The following ATP6V0A4 variants were observed in gnomAD, a reference collection of about 807,000 sequenced individuals.
The protein encoded by ATP6V0A4 is ATPase H+ transporting V0 subunit a4.
A neutral mutation model predicts 107.3 loss-of-function variants in ATP6V0A4; 86 were observed. The ratio of observed to expected loss-of-function variants is 0.80; its 90% CI spans 0.67 to 0.96. The LOEUF is 0.96. ATP6V0A4 is among the 40% of genes least tolerant of loss of function. ATP6V0A4 has a pLI of 0.00. For missense variants in ATP6V0A4, 908 were observed against 1,045.6 expected, an observed-to-expected ratio of 0.87 and a Z score of 1.81; for synonymous variants, 353 against 381.4, an observed-to-expected ratio of 0.93 and a Z score of 0.87.
chr7:138,749,409 C>T (rs1018688557), intron 11 of ATP6V0A4, 92 bp from the exon 12 acceptor site: 2 of 1,469,608 alleles, frequency 1.4e-6, no homozygotes, highest in African/African-American at 1.4e-5. Context: ...TCCTGCCGTC[C>T]CTCACTGAGC....
chr7:138,789,708 C>T (rs985002011), intron 1 of ATP6V0A4, among the ~76,000 whole-genome samples: 2 of 151,290 alleles, frequency 1.3e-5, no homozygotes, highest in East Asian at 2.0e-4. Context: ...CAGTGGCTCA[C>T]GCCTGTAATC....
intron 1 of ATP6V0A4, among the ~76,000 whole-genome samples, chr7:138,787,443 C>A (rs1216737757): frequency 2.6e-5 from 4 of 152,128 alleles, no homozygotes; most frequent in Admixed American, 2.0e-4. Context: ...GGACTCTTGA[C>A]TCAGGATTCT....
chr7:138,710,207 T>C (rs965869385), intron 20 of ATP6V0A4, among the ~76,000 whole-genome samples: 15 of 150,346 alleles, frequency 1.0e-4, no homozygotes, highest in Admixed American at 4.7e-4. Context: ...TTTTTTTTTT[T>C]CGAGACAGAG....
intron 15 of ATP6V0A4, 136 bp from the exon 16 acceptor site, chr7:138,734,390 C>T: frequency 1.4e-6 from 2 of 1,419,186 alleles, no homozygotes; most frequent in Non-Finnish European, 1.9e-6. Flanking sequence ...CAGCTCAATG[C>T]ATACATTTTA....
Position 138,735,865 on chromosome 7 carries a change from G to GTCTAA in ATP6V0A4, c.1573-1612_1573-1611insTTAGA, listed in dbSNP as rs1584910914. 3.9e-5 allele frequency among the ~76,000 whole-genome samples: 6 copies of GTCTAA among 152,316 alleles called. No individual in the cohort carries two copies. The East Asian group carries it at 1.2e-3, about 29-fold the overall frequency. On this transcript the variant is annotated intron_variant, in intron 15 of 21. Coordinates refer to ENST00000310018, the MANE Select transcript of ATP6V0A4 (RefSeq NM_020632.3). ...CGCTTGTAATCCTACCATTTTGGGA[G>GTCTAA]GCTGGTAACAAAGTGAGACCCCGTC...
chr7:138,757,454 T>C (rs1806568595), intron 8 of ATP6V0A4, among the ~76,000 whole-genome samples: 1 of 152,082 alleles, frequency 6.6e-6, no homozygotes, highest in South Asian at 2.1e-4. Context: ...AAGTCGAGGC[T>C]GCAGTGAGTC....
intron 9 of ATP6V0A4, 54 bp downstream of exon 9, chr7:138,756,403 CT>C: frequency 6.2e-7 from 1 of 1,611,890 alleles, no homozygotes. Flanking sequence ...TTGCACATCT[CT>C]TTATCTAATC....
At chr7:138,734,019 C>T in intron 16 of ATP6V0A4, 117 bp downstream of exon 16, 2 of 1,188,040 alleles carry the variant, frequency 1.7e-6, no homozygotes, top group Middle Eastern at 1.9e-4. Flanking sequence ...CAGGGAAGTA[C>T]CCCTCATAGG....
At position 138,732,909 on chromosome 7, in the gene ATP6V0A4, C is replaced by A. The variant is rs201399022; in HGVS notation, c.1876G>T (p.Asp626Tyr). Residue 626 changes from aspartate to tyrosine, a missense_variant, in exon 17 of 22, where the codon GAC (aspartate) becomes TAC (tyrosine). Transcript: ENST00000310018. Reference protein sequence around the residue: ...FINMFLFNYSDSSNAPLYKHQ... With the variant: ...FINMFLFNYSYSSNAPLYKHQ... Reference sequence around the variant, plus strand: ...TTGTAGAGGGGTGCGTTGGAAGAGTCACTGTAGTTAAACAGAAACATGTTG... The same window carrying A: ...TTGTAGAGGGGTGCGTTGGAAGAGTAACTGTAGTTAAACAGAAACATGTTG... 2.0e-5 allele frequency: 32 copies of A among 1,611,908 alleles called. No homozygotes were observed. In the East Asian group the frequency reaches 6.9e-4, roughly 35 times the overall value.
At chr7:138,758,537 A>G (rs1169967303) in intron 8 of ATP6V0A4, among the ~76,000 whole-genome samples, 1 of 152,188 alleles carries the variant, frequency 6.6e-6, no homozygotes, top group Non-Finnish European at 1.5e-5. Context: ...ATTAAAGGGT[A>G]AGTGGATTAA....
intron 9 of ATP6V0A4, 144 bp from the exon 10 acceptor site, chr7:138,755,926 A>AG: frequency 6.9e-7 from 1 of 1,448,152 alleles, no homozygotes; most frequent in Non-Finnish European, 9.3e-7. Context: ...CCACTGGAAA[A>AG]GGAGTCCCAG....
rs190728922 is a variant in ATP6V0A4 at position 138,773,433 on chromosome 7, C to G, written c.-17-2169G>C. On this transcript the variant is annotated intron_variant, in intron 2 of 21. Coordinates refer to ENST00000310018, the MANE Select transcript of ATP6V0A4 (RefSeq NM_020632.3). This position sits in a 1 kb window ranked among gnomAD's most constrained non-coding sequence, Gnocchi z 5.4. ...CCTTCCCTGACACCTCCAGCTCCCT[C>G]AAGGAGCTAAGCCCCCTCCTACATG... Among the ~76,000 whole-genome samples the G allele has an allele frequency of 6.6e-6, 1 of 152,200 alleles. No individual in the cohort carries two copies. Among genetic ancestry groups the G allele is most frequent in the Non-Finnish European group, 1.5e-5 (1 of 68,036 alleles).
intron 12 of ATP6V0A4, chr7:138,747,786 GCT>G: frequency 1.7e-6 from 1 of 586,134 alleles, no homozygotes; most frequent in Non-Finnish European, 2.8e-6. Context: ...AGTGGGTCTC[GCT>G]CTGTCACCCA....
chr7:138,754,831 T>C (rs1041520747), intron 10 of ATP6V0A4, among the ~76,000 whole-genome samples: 2 of 152,112 alleles, frequency 1.3e-5, no homozygotes, highest in Admixed American at 1.3e-4. Flanking sequence ...TTTCACCAGT[T>C]TGGTCAGGCT....
rs1806658504 is a variant in ATP6V0A4, at chr7:138,759,086, G to A, written c.639+666C>T. ...TTTTTTTTTTTTTTTTTGAGATAGG[G>A]TCTCACTCTGTTCCCTAGGCTGGAG... On this transcript the variant is annotated intron_variant, in intron 8 of 21. Coordinates refer to ENST00000310018, the MANE Select transcript of ATP6V0A4 (RefSeq NM_020632.3). Among the ~76,000 whole-genome samples, 3 of 113,078 alleles carry A rather than the reference G, an allele frequency of 2.7e-5. No homozygotes were observed. In the South Asian group the frequency reaches 9.1e-4, roughly 34 times the overall value. The allele number at this position is 113,078 out of a possible 152,430, so 74.2% of individuals were successfully genotyped here.
chr7:138,710,873 T>C (rs183024559), intron 20 of ATP6V0A4, among the ~76,000 whole-genome samples: 8 of 152,238 alleles, frequency 5.3e-5, no homozygotes, highest in Admixed American at 2.0e-4. Flanking sequence ...ACAGAAAGCC[T>C]GAAGTTCAGC....
Position 138,734,269 on chromosome 7 carries a change from G to A in ATP6V0A4, c.1573-15C>T. 6.2e-7 allele frequency: 1 copy of A among 1,612,470 alleles called. No individual in the cohort carries two copies. The highest frequency in any genetic ancestry group is 1.1e-5 in the South Asian group (1 of 90,994). ...AAGTTCCAAATCTGGATGGGAAATG[G>A]GACAAAAAACCAAGTGAGAGAGAGT... On this transcript the variant is annotated splice_polypyrimidine_tract_variant and intron_variant, in intron 15 of 21. Coordinates refer to ENST00000310018, the MANE Select transcript of ATP6V0A4 (RefSeq NM_020632.3).
chr7:138,733,081 T>A lies in ATP6V0A4; in HGVS notation c.1704A>T (p.Arg568Ser). 1.2e-6 allele frequency: 2 copies of A among 1,613,936 alleles called. No homozygotes were observed. Among genetic ancestry groups the A allele is most frequent in the Non-Finnish European group, 1.7e-6 (2 of 1,179,866 alleles). The part of the protein sequence containing the change: ...LSLFNHIYFR[R>S]TLNIILQFIP... ...TAAATTGCAGAATGATGTTGAGAGT[T>A]CTTCTGAAGTATCTGGGGGTGGAAG... Residue 568 changes from arginine to serine, a missense_variant, in exon 17 of 22, where the codon AGA becomes AGT. Transcript: ENST00000310018.
intron 18 of ATP6V0A4, among the ~76,000 whole-genome samples, chr7:138,728,051 A>G (rs373059655): frequency 6.6e-6 from 1 of 152,296 alleles, no homozygotes; most frequent in African/African-American, 2.4e-5. Context: ...AAGTCTCACA[A>G]CTTTAGAATA....
Sources: allele counts gnomAD v4.1 joint callset (sites outside exome capture counted in the v4.1 genomes callset), GRCh38; gene constraint gnomAD v4.1.1; non-coding constraint Gnocchi (gnomAD v3.1); transcripts MANE v1.5; gene names NCBI Gene and HGNC (gene_info 2026-07-23, HGNC 2026-07-21).